The following POC1B variants were observed in gnomAD, a reference collection of about 807,000 sequenced individuals.
The protein encoded by POC1B is POC1 centriolar protein homolog B.
POC1B carries 44 observed loss-of-function variants against 60.6 expected under a neutral mutation model. The observed-to-expected ratio is 0.73, with a 90% confidence interval of 0.57 to 0.93. The LOEUF (loss-of-function observed/expected upper bound fraction) is 0.93. Ranked by LOEUF, POC1B falls within the 40% of genes least tolerant of loss-of-function variation. The probability of loss-of-function intolerance (pLI) is 0.00; values close to 1 mark genes in which losing one functional copy is unlikely to be tolerated. For synonymous variants in POC1B, 180 were observed against 198.9 expected (o/e 0.90, Z 0.80); for missense variants, 555 against 572.3 (o/e 0.97, Z 0.31).
At chr12:89,516,712 C>G (rs754568509) in intron 2 of POC1B, among the ~76,000 whole-genome samples, 5 of 152,024 alleles carry the variant, frequency 3.3e-5, no homozygotes, top group Non-Finnish European at 7.4e-5. Flanking sequence ...TTCCAGAAAC[C>G]AGAAGCCTGA....
chr12:89,475,545 A>G (rs1883070019), intron 4 of POC1B, among the ~76,000 whole-genome samples: 2 of 152,178 alleles, frequency 1.3e-5, no homozygotes, highest in Admixed American at 1.3e-4. Flanking sequence ...TTAATTAGAT[A>G]CATCAAAAAT....
intron 2 of POC1B, among the ~76,000 whole-genome samples, chr12:89,508,216 A>G (rs1869995692): frequency 6.6e-6 from 1 of 152,200 alleles, no homozygotes; most frequent in African/African-American, 2.4e-5. Context: ...TCCTCAGTCT[A>G]CTTAGCATGA....
At chr12:89,485,994 T>A (rs1868615649) in intron 4 of POC1B, among the ~76,000 whole-genome samples, 1 of 152,108 alleles carries the variant, frequency 6.6e-6, no homozygotes, top group Non-Finnish European at 1.5e-5. Flanking sequence ...AACGTCACCT[T>A]GGTAAATATG....
intron 2 of POC1B, chr12:89,501,747 T>C: frequency 2.2e-6 from 2 of 924,104 alleles, no homozygotes; most frequent in Admixed American, 1.8e-5. Context: ...CAATAAGAAA[T>C]GAATTACCAC....
intron 3 of POC1B, among the ~76,000 whole-genome samples, chr12:89,492,569 A>T (rs1443250507): frequency 6.6e-6 from 1 of 152,210 alleles, no homozygotes; most frequent in Non-Finnish European, 1.5e-5. Context: ...CTATGGGGAA[A>T]ATTGTCATAA....
chr12:89,478,800 C>T (rs2135725722), intron 4 of POC1B, among the ~76,000 whole-genome samples: 1 of 152,216 alleles, frequency 6.6e-6, no homozygotes. Context: ...ATCCTATCAA[C>T]AACTGAAAAT....
chr12:89,525,505 G>A, intron 1 of POC1B: 1 of 1,313,884 alleles, frequency 7.6e-7, no homozygotes, highest in Non-Finnish European at 9.6e-7. Flanking sequence ...GGCCCCGCCC[G>A]CTGGCCCAAG....
At chr12:89,515,735 G>T (rs1292625171) in intron 2 of POC1B, among the ~76,000 whole-genome samples, 2 of 152,118 alleles carry the variant, frequency 1.3e-5, no homozygotes, top group African/African-American at 4.8e-5. Flanking sequence ...AGGACAACTT[G>T]CTTTCCTTAT....
At chr12:89,511,991 C>T (rs1870211422) in intron 2 of POC1B, among the ~76,000 whole-genome samples, 1 of 152,128 alleles carries the variant, frequency 6.6e-6, no homozygotes, top group South Asian at 2.1e-4. Context: ...GAGATTGGGG[C>T]TGTAGTGAGC....
chr12:89,473,529 C>T (rs1431359216), intron 4 of POC1B, among the ~76,000 whole-genome samples: 2 of 151,938 alleles, frequency 1.3e-5, no homozygotes, highest in East Asian at 3.9e-4. Context: ...GGCATAGTGG[C>T]AGGTGCCTGT....
At chr12:89,522,679 C>G (rs1164617702) in intron 2 of POC1B, 2 of 1,197,280 alleles carry the variant, frequency 1.7e-6, no homozygotes, top group South Asian at 2.0e-5. Context: ...AAAATGAACC[C>G]CAGCTTTCCA....
chr12:89,431,448 C>T (rs1881025952), intron 10 of POC1B, among the ~76,000 whole-genome samples: 1 of 151,950 alleles, frequency 6.6e-6, no homozygotes, highest in Admixed American at 6.6e-5. Flanking sequence ...CACACACACA[C>T]ACACACACGC....
chr12:89,495,757 AT>A (rs1869216580), intron 3 of POC1B, among the ~76,000 whole-genome samples: 1 of 151,228 alleles, frequency 6.6e-6, no homozygotes, highest in South Asian at 2.1e-4. Flanking sequence ...CTTTATTCGT[AT>A]TATTATTATT....
At chr12:89,511,406 ACT>A (rs1870180278) in intron 2 of POC1B, among the ~76,000 whole-genome samples, 1 of 149,454 alleles carries the variant, frequency 6.7e-6, no homozygotes, top group African/African-American at 2.5e-5. Flanking sequence ...ACAAAGTGAG[ACT>A]CTGTCTCAAA....
At chr12:89,463,935 G>C (rs1276673322) in intron 9 of POC1B, among the ~76,000 whole-genome samples, 3 of 152,118 alleles carry the variant, frequency 2.0e-5, no homozygotes. Flanking sequence ...TTTGCAAAAG[G>C]CCAAACTATT....
chr12:89,470,876 T>C (rs972651761), intron 6 of POC1B, among the ~76,000 whole-genome samples: 3 of 152,226 alleles, frequency 2.0e-5, no homozygotes, highest in African/African-American at 7.2e-5. Flanking sequence ...TGGAGACAGT[T>C]TGAAACGGGC....
chr12:89,525,969 G>C lies in POC1B; in HGVS notation c.-74C>G, dbSNP rs759939223. The C allele has an allele frequency of 6.5e-7, 1 of 1,546,458 alleles. No homozygotes were observed. The highest frequency in any genetic ancestry group is 1.4e-5 in the African/African-American group (1 of 73,054). On this transcript the variant is annotated 5_prime_UTR_variant, in exon 1 of 12. Transcript: ENST00000313546. ...GGGGAGGGGAGAGGATGGGGAAGGA[G>C]AGGGGACCGTGCGGCTCCCGGAACC... is the stretch of plus-strand genomic sequence containing the variant.
chr12:89,501,771 T>C (rs1869580457), intron 2 of POC1B: 2 of 971,578 alleles, frequency 2.1e-6, no homozygotes, highest in Non-Finnish European at 3.4e-6. Flanking sequence ...ATCACAACAG[T>C]AGGCAAAAAT....
rs531764287 is a variant in POC1B at position 89,421,080 on chromosome 12, C to T, written c.*73G>A. The T allele has an allele frequency of 3.4e-6, 4 of 1,178,012 alleles. No individual in the cohort carries two copies. The South Asian group carries it at 4.2e-5, about 12-fold the overall frequency. The allele number at this position is 1,178,012 out of a possible 1,614,324, so 73.0% of individuals were successfully genotyped here. On this transcript the variant is annotated 3_prime_UTR_variant, in exon 12 of 12. Coordinates refer to ENST00000313546, the MANE Select transcript of POC1B (RefSeq NM_172240.3). ...GTTGTGTTGTATGGAGTATCTTGTA[C>T]TACCTTCCTGAGTGTATGTACATTT... is the stretch of plus-strand genomic sequence containing the variant.
Sources: allele counts gnomAD v4.1 joint callset (sites outside exome capture counted in the v4.1 genomes callset), GRCh38; gene constraint gnomAD v4.1.1; transcripts MANE v1.5; gene names NCBI Gene and HGNC (gene_info 2026-07-23, HGNC 2026-07-21).